The following POLA1 variants were observed in gnomAD, a reference collection of about 807,000 sequenced individuals.
POLA1 encodes the protein DNA polymerase alpha 1, catalytic subunit, also known as DNA polymerase alpha catalytic subunit.
A neutral mutation model predicts 124.0 loss-of-function variants in POLA1; 15 were observed. That is an observed-to-expected ratio of 0.12 (90% CI 0.08 to 0.19). POLA1 has a LOEUF of 0.19. Among genes scored for constraint, POLA1 ranks in the 10% least tolerant of loss-of-function variants. POLA1 has a pLI of 1.00. For missense variants in POLA1, 886 were observed against 1,103.4 expected (o/e 0.80, Z 2.79); for synonymous variants, 408 against 389.4 (o/e 1.05, Z -0.56).
chrX:24,824,562 G>T (rs912249235), intron 31 of POLA1, among the ~76,000 whole-genome samples: 1 of 105,284 alleles, frequency 9.5e-6, no homozygotes, highest in African/African-American at 3.5e-5. Context: ...TTCTGGCTCA[G>T]CCTCTCCAAG....
intron 34 of POLA1, among the ~76,000 whole-genome samples, chrX:24,884,525 A>G (rs1375417414): frequency 2.7e-5 from 3 of 112,268 alleles, no homozygotes. Context: ...TTGGGGGAAC[A>G]AGGGGTTAAA....
chrX:24,924,726 G>A lies in POLA1; in HGVS notation c.4165-5727G>A, dbSNP rs1460948696. 3.6e-5 allele frequency among the ~76,000 whole-genome samples: 4 copies of A among 111,868 alleles called. No individual in the cohort carries two copies. In the East Asian group the frequency reaches 1.1e-3, roughly 32 times the overall value. On this transcript the variant is annotated intron_variant, in intron 35 of 36. Transcript: ENST00000379068. ...TGATGACTGTGGGGTCTGATGAGGT[G>A]GATAGGAACTGACTGGATCTTTAAT...
At chrX:24,995,557 T>C (rs778768934) in intron 36 of POLA1, among the ~76,000 whole-genome samples, 1 of 111,650 alleles carries the variant, frequency 9.0e-6, no homozygotes, top group Admixed American at 9.4e-5. Context: ...TTCACATCAG[T>C]AGAGGGTGGC....
At chrX:24,918,812 GGTGAGAGAAGAA>G (rs1300538173) in intron 35 of POLA1, among the ~76,000 whole-genome samples, 2 of 110,662 alleles carry the variant, frequency 1.8e-5, no homozygotes, top group Non-Finnish European at 3.8e-5. Context: ...GAGATCGCAT[GGTGAGAGAAGAA>G]GTGAGAGACA....
chrX:24,915,930 A>G (rs1164753110), intron 35 of POLA1, among the ~76,000 whole-genome samples: 1 of 112,191 alleles, frequency 8.9e-6, no homozygotes, highest in Non-Finnish European at 1.9e-5. Flanking sequence ...CCTTCAAATG[A>G]GATAAATGGG....
intron 36 of POLA1, among the ~76,000 whole-genome samples, chrX:24,989,873 C>G (rs2048516033): frequency 9.0e-6 from 1 of 111,267 alleles, no homozygotes. Context: ...TGTTGAAGGT[C>G]AACATTTTGT....
intron 26 of POLA1, among the ~76,000 whole-genome samples, chrX:24,766,502 C>T (rs1932906298): frequency 8.9e-6 from 1 of 111,991 alleles, no homozygotes; most frequent in Admixed American, 9.5e-5. Context: ...AAGGTGAAGA[C>T]TGATGAGGTG....
chrX:24,900,082 A>G (rs1185360078), intron 35 of POLA1, among the ~76,000 whole-genome samples: 1 of 111,720 alleles, frequency 9.0e-6, no homozygotes, highest in African/African-American at 3.3e-5. Flanking sequence ...TTTTAGTGGA[A>G]GATGGACATT....
At position 24,923,074 on chromosome X, in the gene POLA1, A is replaced by G. The variant is rs1406651046; in HGVS notation, c.4165-7379A>G. Among the ~76,000 whole-genome samples the G allele has an allele frequency of 1.2e-4, 13 of 111,590 alleles. No individual in the cohort carries two copies. The Admixed American group carries it at 1.2e-3, about 11-fold the overall frequency. On this transcript the variant is annotated intron_variant, in intron 35 of 36. Coordinates refer to ENST00000379068, the MANE Select transcript of POLA1 (RefSeq NM_001330360.2). ...CAGTCCCAGTGAGGACCCCATGGCCAATATTTGGATATTTCAACATCTGCA... is the reference window on the plus strand; with the variant it reads ...CAGTCCCAGTGAGGACCCCATGGCCGATATTTGGATATTTCAACATCTGCA...
At chrX:24,954,039 T>A (rs762911964) in intron 36 of POLA1, among the ~76,000 whole-genome samples, 10 of 111,868 alleles carry the variant, frequency 8.9e-5, no homozygotes, top group Non-Finnish European at 1.7e-4. Context: ...AAGAAATATG[T>A]TTGTATACAA....
At chrX:24,730,195 AC>A (rs1416289013) in intron 15 of POLA1, among the ~76,000 whole-genome samples, 7 of 110,944 alleles carry the variant, frequency 6.3e-5, no homozygotes, top group Non-Finnish European at 1.3e-4. Context: ...GAAAGTATCC[AC>A]CTCTAGTGTC....
chrX:24,785,191 A>G (rs1438440476), intron 26 of POLA1, among the ~76,000 whole-genome samples: 1 of 112,520 alleles, frequency 8.9e-6, no homozygotes, highest in East Asian at 2.8e-4. Context: ...GAATGAAAGG[A>G]AAAATCCAGA....
At chrX:24,993,203 C>T (rs761881529) in intron 36 of POLA1, among the ~76,000 whole-genome samples, 1 of 112,294 alleles carries the variant, frequency 8.9e-6, no homozygotes, top group Admixed American at 9.4e-5. Context: ...ATACTTCAAG[C>T]CATTAGAGTA....
At chrX:24,798,836 CAT>C (rs748077635) in intron 26 of POLA1, among the ~76,000 whole-genome samples, 2 of 111,166 alleles carry the variant, frequency 1.8e-5, no homozygotes, top group South Asian at 3.8e-4. Flanking sequence ...GTCTACAACA[CAT>C]GTTTCTCTGG....
chrX:24,718,543 A>G, intron 10 of POLA1, among the ~76,000 whole-genome samples: 1 of 112,418 alleles, frequency 8.9e-6, no homozygotes, highest in Non-Finnish European at 1.9e-5. Context: ...AAGGCCAGAT[A>G]ATGTAGGACT....
At chrX:24,798,883 G>A (rs1483444398) in intron 26 of POLA1, among the ~76,000 whole-genome samples, 4 of 111,204 alleles carry the variant, frequency 3.6e-5, no homozygotes, top group African/African-American at 6.5e-5. Context: ...CTAAAACTAG[G>A]CAGTCTTTCT....
intron 34 of POLA1, among the ~76,000 whole-genome samples, chrX:24,885,846 A>G (rs944128694): frequency 3.6e-5 from 4 of 112,148 alleles, no homozygotes; most frequent in African/African-American, 1.3e-4. Context: ...CTTTAATTCT[A>G]AGGAGCTGAT....
chrX:24,702,136 C>T (rs1928488436), intron 2 of POLA1, among the ~76,000 whole-genome samples: 1 of 104,191 alleles, frequency 9.6e-6, no homozygotes, highest in Admixed American at 1.0e-4. Context: ...TCTCGGCTCA[C>T]TGCATCACTG....
Position 24,735,395 on chromosome X carries a change from A to T in POLA1, c.1834-4A>T, listed in dbSNP as rs1204426127. ...TCAGTGACTGGTGTGTTTTTATCTAACAGAATGTGAAGGTTGAGGTTGCTG... is the reference window on the plus strand; with the variant it reads ...TCAGTGACTGGTGTGTTTTTATCTATCAGAATGTGAAGGTTGAGGTTGCTG... On this transcript the variant is annotated splice_polypyrimidine_tract_variant and splice_region_variant and intron_variant, in intron 17 of 36. Transcript: ENST00000379068. The T allele has an allele frequency of 8.5e-7, 1 of 1,173,806 alleles. No homozygotes were observed. Among genetic ancestry groups the T allele is most frequent in the South Asian group, 1.8e-5 (1 of 56,054 alleles).
Sources: allele counts gnomAD v4.1 joint callset (sites outside exome capture counted in the v4.1 genomes callset), GRCh38; gene constraint gnomAD v4.1.1; transcripts MANE v1.5; gene names NCBI Gene and HGNC (gene_info 2026-07-23, HGNC 2026-07-21).